The following SGCZ variants were observed in gnomAD, a reference collection of about 807,000 sequenced individuals.
SGCZ encodes sarcoglycan zeta.
A neutral mutation model predicts 41.3 loss-of-function variants in SGCZ; 40 were observed. The ratio of observed to expected loss-of-function variants is 0.97; its 90% CI spans 0.75 to 1.26. SGCZ has a LOEUF of 1.26. SGCZ is among the 50% of genes most tolerant of loss of function. SGCZ has a pLI of 0.00. For missense variants in SGCZ, 552 were observed against 369.8 expected (o/e 1.49, Z -4.04); for synonymous variants, 206 against 137.5 (o/e 1.50, Z -3.49).
At chr8:14,475,531 A>G (rs1261046099) in intron 2 of SGCZ, among the ~76,000 whole-genome samples, 3 of 152,052 alleles carry the variant, frequency 2.0e-5, no homozygotes, top group Non-Finnish European at 4.4e-5. Context: ...CTAAGATTAA[A>G]TTTTCATTGT....
chr8:14,670,952 T>G (rs1310225786), intron 1 of SGCZ, among the ~76,000 whole-genome samples: 1 of 152,194 alleles, frequency 6.6e-6, no homozygotes, highest in African/African-American at 2.4e-5. Flanking sequence ...AGAACAGCTA[T>G]CACTCAAAGA....
chr8:14,401,843 G>C (rs1799085918), intron 2 of SGCZ, among the ~76,000 whole-genome samples: 1 of 150,724 alleles, frequency 6.6e-6, no homozygotes, highest in South Asian at 2.1e-4. Flanking sequence ...TCTAGTTCTA[G>C]ATCCCTGAGG....
chr8:14,493,018 C>T (rs760015349), intron 2 of SGCZ, among the ~76,000 whole-genome samples: 1 of 152,082 alleles, frequency 6.6e-6, no homozygotes, highest in Non-Finnish European at 1.5e-5. Flanking sequence ...GCTATGGTGA[C>T]CACCTCTAAA....
intron 1 of SGCZ, among the ~76,000 whole-genome samples, chr8:14,887,140 C>A (rs969371790): frequency 6.6e-6 from 1 of 152,090 alleles, no homozygotes; most frequent in Non-Finnish European, 1.5e-5. Context: ...AAATGCCAAA[C>A]AGACAGACAA....
chr8:14,865,462 G>GTTCTGT (rs1803895975), intron 1 of SGCZ, among the ~76,000 whole-genome samples: 1 of 151,942 alleles, frequency 6.6e-6, no homozygotes, highest in Admixed American at 6.6e-5. Context: ...CAACCCCTGT[G>GTTCTGT]AATGAATCAA....
At chr8:14,733,990 T>C (rs182759370) in intron 1 of SGCZ, among the ~76,000 whole-genome samples, 112 of 152,342 alleles carry the variant, frequency 7.4e-4, no homozygotes, top group Admixed American at 1.4e-3. Context: ...CTTCACTCCA[T>C]AAATCAGTTA....
intron 1 of SGCZ, among the ~76,000 whole-genome samples, chr8:15,120,178 G>A (rs1052531677): frequency 6.6e-6 from 1 of 152,160 alleles, no homozygotes; most frequent in African/African-American, 2.4e-5. Flanking sequence ...ATGTTTCACT[G>A]ATCCTGCCAA....
At chr8:14,150,969 A>T (rs1803689491) in intron 5 of SGCZ, among the ~76,000 whole-genome samples, 1 of 152,148 alleles carries the variant, frequency 6.6e-6, no homozygotes, top group South Asian at 2.1e-4. Context: ...GGGACCTAAA[A>T]ATCACAACAA....
intron 2 of SGCZ, among the ~76,000 whole-genome samples, chr8:14,379,846 C>G (rs2117186902): frequency 6.6e-6 from 1 of 152,196 alleles, no homozygotes; most frequent in Non-Finnish European, 1.5e-5. Flanking sequence ...ATTCTCCTGC[C>G]TCAGCCTCCA....
intron 5 of SGCZ, among the ~76,000 whole-genome samples, chr8:14,113,124 T>C (rs1294095393): frequency 6.6e-6 from 1 of 152,048 alleles, no homozygotes; most frequent in Non-Finnish European, 1.5e-5. Context: ...ATTGCTGGAG[T>C]GATTTTATCA....
At chr8:14,294,254 G>C (rs907727781) in intron 3 of SGCZ, among the ~76,000 whole-genome samples, 2 of 151,722 alleles carry the variant, frequency 1.3e-5, no homozygotes, top group Non-Finnish European at 2.9e-5. Flanking sequence ...ATATTTATTT[G>C]TGAGCTTCAT....
chr8:14,661,915 G>C (rs527359709), intron 1 of SGCZ, among the ~76,000 whole-genome samples: 25 of 151,518 alleles, frequency 1.6e-4, no homozygotes, highest in African/African-American at 6.0e-4. Flanking sequence ...CTTGATAATT[G>C]TTTTAACAAT....
intron 2 of SGCZ, among the ~76,000 whole-genome samples, chr8:14,356,122 G>A (rs528419563): frequency 1.6e-4 from 24 of 152,168 alleles, no homozygotes; most frequent in South Asian, 6.2e-4. Context: ...AAGCAATGCT[G>A]TACTGTATTG....
At chr8:14,360,972 T>C (rs1303230048) in intron 2 of SGCZ, among the ~76,000 whole-genome samples, 4 of 152,220 alleles carry the variant, frequency 2.6e-5, no homozygotes, top group African/African-American at 9.6e-5. Flanking sequence ...CTATATTTTA[T>C]ATTAGCATTC....
At position 14,085,133 on chromosome 8, in the gene SGCZ, T is replaced by C. The variant is rs913691170; in HGVS notation, c.*5310A>G. On this transcript the variant is annotated 3_prime_UTR_variant, in exon 8 of 8. Coordinates refer to ENST00000382080, the MANE Select transcript of SGCZ (RefSeq NM_139167.4). ...TACAGTTTATAGGGCAGACAGTCCA[T>C]TTAAATAGAAAAAGTGATTTTACAT... is the stretch of plus-strand genomic sequence containing the variant. Among the ~76,000 whole-genome samples, 1 of 151,790 alleles carries C rather than the reference T, an allele frequency of 6.6e-6. No homozygotes were observed. Among genetic ancestry groups the C allele is most frequent in the African/African-American group, 2.4e-5 (1 of 41,392 alleles).
At chr8:14,405,656 G>C (rs1799192590) in intron 2 of SGCZ, among the ~76,000 whole-genome samples, 1 of 152,152 alleles carries the variant, frequency 6.6e-6, no homozygotes, top group Non-Finnish European at 1.5e-5. Flanking sequence ...ATTCTGCTTT[G>C]AGATTCTGTG....
At chr8:14,635,780 T>C (rs191104347) in intron 1 of SGCZ, among the ~76,000 whole-genome samples, 83 of 152,038 alleles carry the variant, frequency 5.5e-4, no homozygotes, top group Admixed American at 9.9e-4. Flanking sequence ...TCTTAGAACA[T>C]ATCCCTGGAT....
At chr8:14,784,501 T>C (rs958530752) in intron 1 of SGCZ, among the ~76,000 whole-genome samples, 4 of 152,108 alleles carry the variant, frequency 2.6e-5, no homozygotes, top group African/African-American at 9.7e-5. Flanking sequence ...CTATAACTCA[T>C]AATGGTCTCT....
intron 1 of SGCZ, among the ~76,000 whole-genome samples, chr8:15,187,607 C>T (rs1013790232): frequency 6.6e-6 from 1 of 151,882 alleles, no homozygotes; most frequent in African/African-American, 2.4e-5. Flanking sequence ...ACATAAAGAA[C>T]TTTTTATTAT....
Sources: allele counts gnomAD v4.1 joint callset (sites outside exome capture counted in the v4.1 genomes callset), GRCh38; gene constraint gnomAD v4.1.1; transcripts MANE v1.5; gene names NCBI Gene and HGNC (gene_info 2026-07-23, HGNC 2026-07-21).